The following PRKCH variants were observed in gnomAD, a reference collection of about 807,000 sequenced individuals.
The protein encoded by PRKCH is protein kinase C eta, also known as protein kinase C eta type.
A neutral mutation model predicts 82.5 loss-of-function variants in PRKCH; 28 were observed. That is an observed-to-expected ratio of 0.34 (90% CI 0.25 to 0.47). PRKCH has a LOEUF of 0.47. Among genes scored for constraint, PRKCH ranks in the 20% least tolerant of loss-of-function variants. The probability of loss-of-function intolerance (pLI) is 1.00; values close to 1 mark genes in which losing one functional copy is unlikely to be tolerated. For synonymous variants in PRKCH, 322 were observed against 327.4 expected (o/e 0.98, Z 0.18); for missense variants, 705 against 881.8 (o/e 0.80, Z 2.54).
At chr14:61,538,658 T>C (rs994638370) in intron 12 of PRKCH, among the ~76,000 whole-genome samples, 17 of 152,224 alleles carry the variant, frequency 1.1e-4, no homozygotes, top group Non-Finnish European at 1.9e-4. Flanking sequence ...AAACTTTTCC[T>C]GTGTGGAGAT....
chr14:61,191,585 A>G (rs2044406926), intron 1 of PRKCH, among the ~76,000 whole-genome samples: 4 of 152,136 alleles, frequency 2.6e-5, no homozygotes, highest in Admixed American at 1.3e-4. Flanking sequence ...AGGCAGGGGA[A>G]TCTCTTGAAG....
chr14:61,224,360 T>C (rs79071949), intron 1 of PRKCH, among the ~76,000 whole-genome samples: 1 of 152,362 alleles, frequency 6.6e-6, no homozygotes, highest in Non-Finnish European at 1.5e-5. Flanking sequence ...AAGCACTGAC[T>C]AGTATGTTAC....
At chr14:61,518,911 C>T (rs768303768) in intron 10 of PRKCH, among the ~76,000 whole-genome samples, 1 of 152,138 alleles carries the variant, frequency 6.6e-6, no homozygotes, top group Non-Finnish European at 1.5e-5. Context: ...CCCCTGGGCT[C>T]AAGCAATCCT....
intron 10 of PRKCH, among the ~76,000 whole-genome samples, chr14:61,496,289 G>A (rs749881234): frequency 6.6e-6 from 1 of 152,188 alleles, no homozygotes; most frequent in Non-Finnish European, 1.5e-5. Context: ...TGCAGACAAA[G>A]GTCAGTGACA....
intron 1 of PRKCH, among the ~76,000 whole-genome samples, chr14:61,218,129 T>C (rs2044627997): frequency 6.6e-6 from 1 of 152,196 alleles, no homozygotes; most frequent in African/African-American, 2.4e-5. Flanking sequence ...AGAAGCATTA[T>C]CTACTGGAAA....
At chr14:61,304,435 C>G (rs2045470619) in intron 1 of PRKCH, 1 of 152,102 alleles carries the variant, frequency 6.6e-6, no homozygotes, top group Non-Finnish European at 1.5e-5. Context: ...CACCACCGCC[C>G]CCAATTCTTC....
intron 2 of PRKCH, among the ~76,000 whole-genome samples, chr14:61,432,877 C>T (rs112341392): frequency 2.0e-5 from 3 of 149,078 alleles, no homozygotes; most frequent in African/African-American, 7.4e-5. Flanking sequence ...ATCCCCTTTA[C>T]CTTTTTCTTT....
At chr14:61,406,896 G>A (rs1881981576) in intron 2 of PRKCH, among the ~76,000 whole-genome samples, 1 of 152,090 alleles carries the variant, frequency 6.6e-6, no homozygotes, top group African/African-American at 2.4e-5. Context: ...CTTTGTTGGT[G>A]ATGAACTCGA....
intron 1 of PRKCH, among the ~76,000 whole-genome samples, chr14:61,252,025 A>AGACAG (rs2044951152): frequency 6.6e-6 from 1 of 152,032 alleles, no homozygotes; most frequent in Admixed American, 6.6e-5. Flanking sequence ...TTTTTAGTAG[A>AGACAG]GACAGGGTTT....
At chr14:61,537,393 T>C (rs1175284835) in intron 12 of PRKCH, 1 of 152,218 alleles carries the variant, frequency 6.6e-6, no homozygotes, top group Admixed American at 6.5e-5. Context: ...ACTACCTGTT[T>C]TCTGGTGTCA....
At chr14:61,312,439 C>T (rs530687758) in intron 1 of PRKCH, among the ~76,000 whole-genome samples, 1 of 152,246 alleles carries the variant, frequency 6.6e-6, no homozygotes, top group South Asian at 2.1e-4. Context: ...AGAAAGTCTA[C>T]AATGGCTACT....
At chr14:61,412,142 T>C (rs1047426825) in intron 2 of PRKCH, among the ~76,000 whole-genome samples, 2 of 152,128 alleles carry the variant, frequency 1.3e-5, no homozygotes, top group African/African-American at 4.8e-5. Flanking sequence ...GTGTCTGGCA[T>C]CCAACCAAAA....
At position 61,526,905 on chromosome 14, in the gene PRKCH, T is replaced by C. The variant is rs149879825; in HGVS notation, c.1434-2170T>C. Among the ~76,000 whole-genome samples, 653 of 152,324 alleles carry C rather than the reference T, an allele frequency of 4.3e-3. 4 individuals are homozygous for C. The highest frequency in any genetic ancestry group is 0.015 in the African/African-American group (617 of 41,570). ...GCAGCCTCCTTGTCACTGATCAGCC[T>C]ATGTGGGTTGCCTCTGAGCATATTG... On this transcript the variant is annotated intron_variant, in intron 10 of 13. Coordinates refer to ENST00000332981, the MANE Select transcript of PRKCH (RefSeq NM_006255.5).
Position 61,321,988 on chromosome 14 carries a change from C to T in PRKCH, c.-114C>T. 8.3e-7 allele frequency: 1 copy of T among 1,206,756 alleles called. No individual in the cohort carries two copies. The highest frequency in any genetic ancestry group is 2.9e-5 in the Admixed American group (1 of 34,864). The allele number at this position is 1,206,756 out of a possible 1,614,324, so 74.8% of individuals were successfully genotyped here. A position where few individuals can be genotyped will look rare whatever the true frequency, so the allele number is the denominator to read the frequency against. ...CGAGGGGCGCTTAGGCGCTGCCTTT[C>T]CCCAGGGCTGCCTCGACTCCTGCAC... is the stretch of plus-strand genomic sequence containing the variant. On this transcript the variant is annotated 5_prime_UTR_variant, in exon 1 of 14. Transcript: ENST00000332981. The surrounding 1 kb of genome is among the most constrained non-coding windows in gnomAD (Gnocchi z 4.1).
chr14:61,367,492 A>G (rs1346935952), intron 1 of PRKCH, among the ~76,000 whole-genome samples: 1 of 151,458 alleles, frequency 6.6e-6, no homozygotes, highest in East Asian at 1.9e-4. Context: ...TGGTCTTGTG[A>G]TTTCCCTATT....
At chr14:61,316,915 A>G (rs1351429574), upstream of PRKCH, among the ~76,000 whole-genome samples, 1 of 152,148 alleles carries the variant, frequency 6.6e-6, no homozygotes, top group Non-Finnish European at 1.5e-5. Flanking sequence ...GAACAGGGAG[A>G]GGGGAGCAAA....
At chr14:61,233,443 CAT>C (rs967138457) in intron 1 of PRKCH, among the ~76,000 whole-genome samples, 3 of 151,934 alleles carry the variant, frequency 2.0e-5, no homozygotes, top group Non-Finnish European at 2.9e-5. Flanking sequence ...CCTCAGCAAA[CAT>C]ACAGTTTTAC....
At position 61,322,438 on chromosome 14, in the gene PRKCH, G is replaced by C. The variant is rs371651183; in HGVS notation, c.337G>C (p.Gly113Arg). 51 of 1,597,272 alleles carry C rather than the reference G, an allele frequency of 3.2e-5. 1 individual carries two copies. The highest frequency in any genetic ancestry group is 4.3e-5 in the Non-Finnish European group (50 of 1,166,594). The change falls in exon 1 of 14, where the codon GGC (glycine) becomes CGC (arginine). Residue 113 changes from glycine to arginine, a missense_variant. Coordinates refer to ENST00000332981, the MANE Select transcript of PRKCH (RefSeq NM_006255.5). The stretch of plus-strand genomic sequence containing the variant: ...GTTCCAGGAGCTGCTGCGCACGACC[G>C]GCGCCTCGGACACCTTCGAGGGTTG... ...LQFQELLRTTGASDTFEGWVD... is the reference protein window; with the variant it reads ...LQFQELLRTTRASDTFEGWVD...
chr14:61,430,953 G>T lies in PRKCH; in HGVS notation c.428-12158G>T, dbSNP rs867761558. On this transcript the variant is annotated intron_variant, in intron 2 of 13. Transcript: ENST00000332981. ...ATATTTTTAGTAGAGATGGGGTTTC[G>T]CCATGTTGGCCAGGATGGTCTGGAT... is the stretch of plus-strand genomic sequence containing the variant. Among the ~76,000 whole-genome samples the T allele has an allele frequency of 7.2e-5, 11 of 152,060 alleles. No individual in the cohort carries two copies. The South Asian group carries it at 1.5e-3, about 20-fold the overall frequency.
Sources: allele counts gnomAD v4.1 joint callset (sites outside exome capture counted in the v4.1 genomes callset), GRCh38; gene constraint gnomAD v4.1.1; non-coding constraint Gnocchi (gnomAD v3.1); transcripts MANE v1.5; gene names NCBI Gene and HGNC (gene_info 2026-07-23, HGNC 2026-07-21).